EEF2K: variants seen among roughly 807,000 people sequenced by gnomAD.
EEF2K encodes the protein alternative protein EEF2K.
In EEF2K, 70 loss-of-function variants were observed where a neutral mutation model predicts 93.8. The ratio of observed to expected loss-of-function variants is 0.75; its 90% CI spans 0.62 to 0.91. EEF2K has a LOEUF of 0.91. EEF2K is among the 40% of genes least tolerant of loss of function. The probability of loss-of-function intolerance (pLI) is 0.00; values close to 1 mark genes in which losing one functional copy is unlikely to be tolerated. For missense variants in EEF2K, 935 were observed against 972.9 expected, an observed-to-expected ratio of 0.96 and a Z score of 0.52; for synonymous variants, 376 against 380.8, an observed-to-expected ratio of 0.99 and a Z score of 0.15.
intron 14 of EEF2K, 65 bp from the exon 15 acceptor site, chr16:22,266,622 TG>T (rs1453476762): frequency 6.3e-7 from 1 of 1,585,740 alleles, no homozygotes; most frequent in Non-Finnish European, 8.6e-7. Flanking sequence ...GCAGGCTGGC[TG>T]GGCGGTCTTG....
At chr16:22,244,537 C>G in intron 2 of EEF2K, 93 bp from the exon 3 acceptor site, 1 of 1,220,838 alleles carries the variant, frequency 8.2e-7, no homozygotes. Context: ...GTCTGCCTCT[C>G]CAGAGGAAAT....
intron 15 of EEF2K, among the ~76,000 whole-genome samples, chr16:22,267,118 C>T (rs1046603322): frequency 1.3e-5 from 2 of 152,106 alleles, no homozygotes; most frequent in African/African-American, 2.4e-5. Context: ...CAGGTAATAA[C>T]GACATGGTGT....
At chr16:22,209,629 G>C (rs922269246) in intron 1 of EEF2K, among the ~76,000 whole-genome samples, 1 of 152,208 alleles carries the variant, frequency 6.6e-6, no homozygotes, top group Non-Finnish European at 1.5e-5. Flanking sequence ...TGGTTCTGCT[G>C]ACCTGAAAGC....
At chr16:22,247,575 C>G (rs1567274702) in intron 3 of EEF2K, among the ~76,000 whole-genome samples, 1 of 152,080 alleles carries the variant, frequency 6.6e-6, no homozygotes, top group Non-Finnish European at 1.5e-5. Context: ...AATGCTATAA[C>G]AGAGTGGCCA....
intron 2 of EEF2K, among the ~76,000 whole-genome samples, chr16:22,232,607 G>A (rs914854780): frequency 1.3e-5 from 2 of 152,188 alleles, no homozygotes; most frequent in African/African-American, 2.4e-5. Context: ...CTTTATGTGT[G>A]TGAGTCATTC....
At position 22,273,455 on chromosome 16, in the gene EEF2K, AGT is replaced by A. The variant is rs148147126; in HGVS notation, c.1765-168_1765-167del. Reference sequence around the variant, plus strand: ...TTTTAGCTTGTCCTTGATTTGTTCCAGTGTCTGAGCCAAGCCTCTGGAGTCAA... The same window carrying A: ...TTTTAGCTTGTCCTTGATTTGTTCCAGTCTGAGCCAAGCCTCTGGAGTCAA... On this transcript the variant is annotated intron_variant, in intron 15 of 17. Transcript: ENST00000263026. 6.1e-3 allele frequency among the ~76,000 whole-genome samples: 925 copies of A among 152,162 alleles called. 6 individuals carry two copies. Among genetic ancestry groups the A allele is most frequent in the Non-Finnish European group, 0.01 (691 of 68,006 alleles).
intron 4 of EEF2K, among the ~76,000 whole-genome samples, 155 bp downstream of exon 4, chr16:22,248,970 G>A (rs1449334084): frequency 6.8e-6 from 1 of 148,044 alleles, no homozygotes; most frequent in Non-Finnish European, 1.5e-5. Context: ...GTTGTAGCCA[G>A]CATTTTTTTT....
Position 22,258,610 on chromosome 16 carries a change from C to T in EEF2K, c.1146C>T (p.Asp382=), listed in dbSNP as rs187968648. 1.7e-5 allele frequency: 28 copies of T among 1,614,020 alleles called. No homozygotes were observed. The highest frequency in any genetic ancestry group is 8.9e-5 in the East Asian group (4 of 44,884). The change falls in exon 10 of 18, where the codon GAC becomes GAT. Residue 382 remains aspartate (D), a synonymous_variant. Transcript: ENST00000263026. ...LLRPLSENSG[D]ENMSDVTFDS... Reference sequence around the variant, plus strand: ...GTCCCCTTTCAGAGAACTCTGGAGACGAGAACATGAGCGACGTGACCTTCG... The same window carrying T: ...GTCCCCTTTCAGAGAACTCTGGAGATGAGAACATGAGCGACGTGACCTTCG...
intron 2 of EEF2K, among the ~76,000 whole-genome samples, chr16:22,234,403 A>C (rs2047145589): frequency 6.6e-6 from 1 of 152,142 alleles, no homozygotes; most frequent in Non-Finnish European, 1.5e-5. Context: ...CTAAAAATAC[A>C]AAAATTATCT....
In EEF2K at chr16:22,256,732, C is replaced by G. The variant is rs764950680; in HGVS notation, c.619-16C>G. On this transcript the variant is annotated splice_polypyrimidine_tract_variant and intron_variant, in intron 6 of 17. Coordinates refer to ENST00000263026, the MANE Select transcript of EEF2K (RefSeq NM_013302.5). ...GCCTGGGCCCTCCCGCCTGAGCCCA[C>G]TCCCCATCCCACCAGGTGGACATCA... 3 of 1,612,690 alleles carry G rather than the reference C, an allele frequency of 1.9e-6. No homozygotes were observed. Among genetic ancestry groups the G allele is most frequent in the South Asian group, 1.1e-5 (1 of 90,918 alleles).
At position 22,284,275 on chromosome 16, in the gene EEF2K, TTTG is replaced by T; in HGVS notation, c.*282_*284del. The T allele has an allele frequency of 6.4e-6, 2 of 310,478 alleles. No homozygotes were observed. The highest frequency in any genetic ancestry group is 6.9e-5 in the East Asian group (1 of 14,596). 19.2% of individuals were successfully genotyped at this position (310,478 alleles called of 1,614,324 possible). A position where few individuals can be genotyped will look rare whatever the true frequency, so the allele number is the denominator to read the frequency against. On this transcript the variant is annotated 3_prime_UTR_variant, in exon 18 of 18. Transcript: ENST00000263026. Reference sequence around the variant, plus strand: ...ACATACCGTTTTGTGTGTGGTTTTTTTTGTTTGTTTGTTTGTTTGTTTTGAGAC... The same window carrying T: ...ACATACCGTTTTGTGTGTGGTTTTTTTTTGTTTGTTTGTTTGTTTTGAGAC...
chr16:22,252,932 C>G (rs1025432108), intron 6 of EEF2K, among the ~76,000 whole-genome samples: 3 of 152,086 alleles, frequency 2.0e-5, no homozygotes, highest in Non-Finnish European at 4.4e-5. Flanking sequence ...CCCCATGATT[C>G]AATTATCTCC....
intron 11 of EEF2K, among the ~76,000 whole-genome samples, chr16:22,261,783 C>T (rs113232718): frequency 0.063 from 9,591 of 151,632 alleles, 444 homozygotes; most frequent in Non-Finnish European, 0.089. Flanking sequence ...GGCAGGCAGA[C>T]CACTTGAGGC....
Position 22,251,242 on chromosome 16 carries a change from G to A in EEF2K, c.538G>A (p.Val180Met). 6.2e-7 allele frequency: 1 copy of A among 1,614,158 alleles called. No individual in the cohort carries two copies. Among genetic ancestry groups the A allele is most frequent in the Non-Finnish European group, 8.5e-7 (1 of 1,180,022 alleles). ...KRYIEPVDRDVYFEDVRLQME... is the reference protein window; with the variant it reads ...KRYIEPVDRDMYFEDVRLQME... ...CTACATCGAGCCCGTAGACCGGGAT[G>A]TGTACTTTGAGGACGTGCGTCTACA... Residue 180 changes from valine to methionine, a missense_variant, in exon 6 of 18, where the codon GTG becomes ATG. Physicochemically the swap from Val to Met is conservative, Grantham distance 21. Transcript: ENST00000263026.
intron 2 of EEF2K, among the ~76,000 whole-genome samples, chr16:22,235,112 G>A (rs1430808590): frequency 1.3e-5 from 2 of 151,662 alleles, no homozygotes; most frequent in African/African-American, 4.8e-5. Context: ...TACTGGGGAG[G>A]CTGAGGCGCA....
intron 16 of EEF2K, among the ~76,000 whole-genome samples, 174 bp from the exon 17 acceptor site, chr16:22,280,024 A>G (rs1162125466): frequency 6.6e-6 from 1 of 152,114 alleles, no homozygotes; most frequent in Non-Finnish European, 1.5e-5. Context: ...GAGTGAATGA[A>G]TATCACAGTA....
chr16:22,211,465 G>A (rs2046912924), intron 1 of EEF2K, among the ~76,000 whole-genome samples: 1 of 152,092 alleles, frequency 6.6e-6, no homozygotes, highest in East Asian at 1.9e-4. Context: ...TTTTTCGGAG[G>A]TCTGGGGGCG....
intron 4 of EEF2K, 38 bp from the exon 5 acceptor site, chr16:22,250,616 G>C: frequency 6.2e-7 from 1 of 1,614,022 alleles, no homozygotes; most frequent in Non-Finnish European, 8.5e-7. Flanking sequence ...TTTGGGTGGG[G>C]CATGGGGACT....
intron 2 of EEF2K, among the ~76,000 whole-genome samples, chr16:22,233,553 G>A (rs2047137403): frequency 6.6e-6 from 1 of 151,748 alleles, no homozygotes; most frequent in Admixed American, 6.6e-5. Context: ...CGGGCATGGA[G>A]GTGGGCACCT....
Sources: allele counts gnomAD v4.1 joint callset (sites outside exome capture counted in the v4.1 genomes callset), GRCh38; gene constraint gnomAD v4.1.1; transcripts MANE v1.5; gene names NCBI Gene and HGNC (gene_info 2026-07-23, HGNC 2026-07-21).